Variants in HHAT observed in about 807,000 individuals in gnomAD.
HHAT encodes the protein protein-cysteine N-palmitoyltransferase HHAT.
In HHAT, 47 loss-of-function variants were observed where a neutral mutation model predicts 70.8. That is an observed-to-expected ratio of 0.66 (90% CI 0.53 to 0.85). The LOEUF (loss-of-function observed/expected upper bound fraction) is 0.85. Among genes scored for constraint, HHAT ranks in the 40% least tolerant of loss-of-function variants. The probability of loss-of-function intolerance (pLI) is 0.00; values close to 1 mark genes in which losing one functional copy is unlikely to be tolerated. For missense variants in HHAT, 609 were observed against 604.8 expected (o/e 1.01, Z -0.07); for synonymous variants, 228 against 247.6 (o/e 0.92, Z 0.74).
chr1:210,467,296 A>G (rs988021417), intron 8 of HHAT, among the ~76,000 whole-genome samples: 1 of 152,206 alleles, frequency 6.6e-6, no homozygotes, highest in Non-Finnish European at 1.5e-5. Context: ...TAATTGAAAA[A>G]AAAGAATAAC....
At chr1:210,565,847 A>G (rs981794898) in intron 9 of HHAT, among the ~76,000 whole-genome samples, 1 of 152,170 alleles carries the variant, frequency 6.6e-6, no homozygotes, top group African/African-American at 2.4e-5. Flanking sequence ...ACAAGCTGAG[A>G]TCTCCTGGCC....
At chr1:210,455,311 C>A (rs1160552141) in intron 7 of HHAT, among the ~76,000 whole-genome samples, 1 of 152,230 alleles carries the variant, frequency 6.6e-6, no homozygotes, top group African/African-American at 2.4e-5. Flanking sequence ...AAGAGCAAAT[C>A]TGTTCATCTG....
chr1:210,375,466 C>G (rs2090114601), intron 3 of HHAT, among the ~76,000 whole-genome samples: 1 of 152,058 alleles, frequency 6.6e-6, no homozygotes, highest in Non-Finnish European at 1.5e-5. Context: ...TATGCCATAT[C>G]CTTTTTCATC....
intron 8 of HHAT, among the ~76,000 whole-genome samples, chr1:210,476,555 T>C (rs2094309718): frequency 6.6e-6 from 1 of 152,214 alleles, no homozygotes; most frequent in African/African-American, 2.4e-5. Flanking sequence ...GCAGCTCTCT[T>C]ACAAACCTCC....
intron 8 of HHAT, among the ~76,000 whole-genome samples, chr1:210,494,058 T>A (rs1465213001): frequency 6.6e-6 from 1 of 152,190 alleles, no homozygotes; most frequent in South Asian, 2.1e-4. Flanking sequence ...GGGAGGTGGG[T>A]TAGAATACTG....
intron 9 of HHAT, among the ~76,000 whole-genome samples, chr1:210,516,396 GA>G (rs1359519086): frequency 6.6e-6 from 1 of 152,168 alleles, no homozygotes; most frequent in African/African-American, 2.4e-5. Flanking sequence ...TAGACTTAGA[GA>G]AAGCAGTTTC....
At chr1:210,350,520 T>G (rs2086919691) in intron 2 of HHAT, among the ~76,000 whole-genome samples, 1 of 152,224 alleles carries the variant, frequency 6.6e-6, no homozygotes, top group Non-Finnish European at 1.5e-5. Context: ...CAGTATTTCA[T>G]TTTTTGGGTG....
intron 8 of HHAT, among the ~76,000 whole-genome samples, chr1:210,503,023 T>A (rs2094789175): frequency 6.6e-6 from 1 of 151,986 alleles, no homozygotes; most frequent in Non-Finnish European, 1.5e-5. Context: ...TGGAGTGCAG[T>A]GGCACAATCC....
At chr1:210,666,786 C>T (rs886287041) in intron 11 of HHAT, among the ~76,000 whole-genome samples, 6 of 152,008 alleles carry the variant, frequency 3.9e-5, no homozygotes, top group African/African-American at 1.4e-4. Context: ...GCCTGGCCTA[C>T]CATCATTTTA....
At chr1:210,666,610 A>G (rs1678946065) in intron 11 of HHAT, among the ~76,000 whole-genome samples, 1 of 152,060 alleles carries the variant, frequency 6.6e-6, no homozygotes, top group Non-Finnish European at 1.5e-5. Context: ...CAGCCTCCTG[A>G]GTAGCTATGA....
chr1:210,492,389 T>G (rs1272487460), intron 8 of HHAT, among the ~76,000 whole-genome samples: 2 of 152,186 alleles, frequency 1.3e-5, no homozygotes, highest in Non-Finnish European at 2.9e-5. Flanking sequence ...TGATCATTTC[T>G]ATATATCTCC....
In HHAT at chr1:210,337,966, G is replaced by C. The variant is rs1427662014; in HGVS notation, c.-44+8862G>C. Among the ~76,000 whole-genome samples the C allele has an allele frequency of 2.0e-5, 3 of 152,238 alleles. No homozygotes were observed. The South Asian group carries it at 6.2e-4, about 31-fold the overall frequency. On this transcript the variant is annotated intron_variant, in intron 1 of 11. Coordinates refer to ENST00000261458, the MANE Select transcript of HHAT (RefSeq NM_018194.6). ...TTTGAGTGCAGTTTCTGAAAGAAAAGTGATGGTCTTGTCCTCCTCTCACTG... is the reference window on the plus strand; with the variant it reads ...TTTGAGTGCAGTTTCTGAAAGAAAACTGATGGTCTTGTCCTCCTCTCACTG...
chr1:210,489,662 A>G (rs1255966775), intron 8 of HHAT, among the ~76,000 whole-genome samples: 6 of 152,120 alleles, frequency 3.9e-5, no homozygotes, highest in East Asian at 1.9e-4. Context: ...ATCAACTTCT[A>G]TGTTTGCATT....
intron 7 of HHAT, among the ~76,000 whole-genome samples, chr1:210,464,248 C>T (rs1387845895): frequency 6.6e-6 from 1 of 152,006 alleles, no homozygotes; most frequent in South Asian, 2.1e-4. Flanking sequence ...TGGGCATTCT[C>T]TTTCCTAGCA....
intron 11 of HHAT, among the ~76,000 whole-genome samples, chr1:210,649,273 G>C (rs543801956): frequency 1.3e-5 from 2 of 152,298 alleles, no homozygotes; most frequent in African/African-American, 4.8e-5. Context: ...TACTTTCTTT[G>C]TCTAAGTGAG....
At chr1:210,344,541 A>G (rs2086335141) in intron 1 of HHAT, among the ~76,000 whole-genome samples, 1 of 152,154 alleles carries the variant, frequency 6.6e-6, no homozygotes, top group Non-Finnish European at 1.5e-5. Context: ...TCATCTGTCC[A>G]AGGCAGGGGG....
At chr1:210,465,415 G>T (rs1478913171) in intron 8 of HHAT, among the ~76,000 whole-genome samples, 1 of 152,192 alleles carries the variant, frequency 6.6e-6, no homozygotes, top group Non-Finnish European at 1.5e-5. Context: ...CAAGTGACAG[G>T]ATTGAGTTTG....
chr1:210,367,023 G>A (rs1348440969), intron 3 of HHAT, among the ~76,000 whole-genome samples: 1 of 152,200 alleles, frequency 6.6e-6, no homozygotes, highest in Non-Finnish European at 1.5e-5. Flanking sequence ...GGGGACAGTG[G>A]TGAGCCAGAC....
At chr1:210,587,755 A>G (rs180679862) in intron 9 of HHAT, 143 bp from the exon 10 acceptor site, 12 of 666,368 alleles carry the variant, frequency 1.8e-5, no homozygotes, top group Non-Finnish European at 7.8e-6. Context: ...TGGGATGGAG[A>G]ATCCAAGGAA....
Sources: gnomAD v4.1 joint callset for allele counts (sites outside exome capture counted in the v4.1 genomes callset) on GRCh38, gnomAD v4.1.1 for gene constraint, MANE v1.5 for transcripts, NCBI Gene and HGNC (gene_info 2026-07-23, HGNC 2026-07-21) for gene names.